PTPRT: variants seen among roughly 807,000 people sequenced by gnomAD.
PTPRT encodes the protein receptor-type tyrosine-protein phosphatase T.
Under a neutral mutation model 176.8 loss-of-function variants are expected in PTPRT, and 56 were observed. The observed-to-expected ratio is 0.32, with a 90% CI of 0.26 to 0.40. The LOEUF (loss-of-function observed/expected upper bound fraction) is 0.40. Ranked by LOEUF, PTPRT falls within the 10% of genes least tolerant of loss-of-function variation. PTPRT has a pLI of 1.00. For synonymous variants in PTPRT, 783 were observed against 739.0 expected (o/e 1.06, Z -0.96); for missense variants, 1,540 against 1,908.2 (o/e 0.81, Z 3.60).
At chr20:42,193,122 A>G (rs1226352827) in intron 16 of PTPRT, among the ~76,000 whole-genome samples, 2 of 152,208 alleles carry the variant, frequency 1.3e-5, no homozygotes, top group Non-Finnish European at 2.9e-5. Flanking sequence ...CCCATTATCT[A>G]TTTGTCATAT....
At position 42,670,268 on chromosome 20, in the gene PTPRT, C is replaced by T. The variant is rs1394281107; in HGVS notation, c.1153+7598G>A. Among the ~76,000 whole-genome samples, 3 of 152,170 alleles carry T rather than the reference C, an allele frequency of 2.0e-5. No homozygotes were observed. In the East Asian group the frequency reaches 5.8e-4, roughly 29 times the overall value. On this transcript the variant is annotated intron_variant, in intron 7 of 30. Coordinates refer to ENST00000373187, the MANE Select transcript of PTPRT (RefSeq NM_007050.6). Reference sequence around the variant, plus strand: ...TCCCGGTTCTCTGCAAGGCATATAACTTATCTCACTGAAGCTTTCCAACAA... The same window carrying T: ...TCCCGGTTCTCTGCAAGGCATATAATTTATCTCACTGAAGCTTTCCAACAA...
chr20:42,948,643 G>A (rs778822205), intron 1 of PTPRT, among the ~76,000 whole-genome samples: 12 of 152,272 alleles, frequency 7.9e-5, no homozygotes, highest in Middle Eastern at 3.4e-3. Context: ...GAAGAGATAA[G>A]ACAGAGAGAG....
At chr20:42,452,415 A>G (rs531357224) in intron 8 of PTPRT, among the ~76,000 whole-genome samples, 228 of 152,214 alleles carry the variant, frequency 1.5e-3, no homozygotes, top group African/African-American at 5.2e-3. Flanking sequence ...AGAGGATGGA[A>G]ATGTGCTAAT....
At chr20:42,162,951 C>T (rs1304248172) in intron 16 of PTPRT, among the ~76,000 whole-genome samples, 1 of 152,188 alleles carries the variant, frequency 6.6e-6, no homozygotes, top group African/African-American at 2.4e-5. Context: ...TTCTAGGTGA[C>T]CAACTTGTCC....
the PTPRT span, among the ~76,000 whole-genome samples, chr20:42,058,322 G>C: frequency 6.6e-6 from 1 of 152,104 alleles, no homozygotes; most frequent in Non-Finnish European, 1.5e-5. Flanking sequence ...CTATTCACTG[G>C]GTCCCTGGAG....
intron 18 of PTPRT, among the ~76,000 whole-genome samples, chr20:42,137,589 G>A (rs1351949865): frequency 6.6e-6 from 1 of 152,162 alleles, no homozygotes; most frequent in South Asian, 2.1e-4. Context: ...GACTTGCTGT[G>A]TGCTCTCGGG....
At chr20:42,038,736 T>C in the PTPRT span, among the ~76,000 whole-genome samples, 1 of 152,158 alleles carries the variant, frequency 6.6e-6, no homozygotes, top group Non-Finnish European at 1.5e-5. Context: ...AGCCAGCAGT[T>C]AGTAGGCTCA....
intron 11 of PTPRT, among the ~76,000 whole-genome samples, chr20:42,347,449 T>A (rs1471342699): frequency 1.3e-5 from 2 of 152,156 alleles, no homozygotes; most frequent in East Asian, 1.9e-4. Flanking sequence ...ACAGTCAATG[T>A]ACCTAGTGGT....
At chr20:42,488,774 G>A (rs2071507091) in intron 7 of PTPRT, among the ~76,000 whole-genome samples, 1 of 152,030 alleles carries the variant, frequency 6.6e-6, no homozygotes. Context: ...AGACCAGCCT[G>A]ACCAACTGAG....
the PTPRT span, among the ~76,000 whole-genome samples, chr20:42,054,942 G>A: frequency 6.6e-6 from 1 of 152,180 alleles, no homozygotes; most frequent in South Asian, 2.1e-4. Context: ...AGGCCACTTA[G>A]AGATATACAC....
At chr20:42,752,149 A>T (rs973337763) in intron 6 of PTPRT, among the ~76,000 whole-genome samples, 1 of 152,180 alleles carries the variant, frequency 6.6e-6, no homozygotes, top group Non-Finnish European at 1.5e-5. Flanking sequence ...GACAGTCATC[A>T]AATCGGCACC....
chr20:42,918,958 C>T (rs1978969853), intron 1 of PTPRT, among the ~76,000 whole-genome samples: 1 of 152,202 alleles, frequency 6.6e-6, no homozygotes, highest in African/African-American at 2.4e-5. Flanking sequence ...TGCCGCACCA[C>T]CTATGCAACT....
intron 1 of PTPRT, among the ~76,000 whole-genome samples, chr20:43,087,721 G>A (rs1011134893): frequency 3.3e-5 from 5 of 152,046 alleles, no homozygotes; most frequent in African/African-American, 1.2e-4. Flanking sequence ...TATATTAAAG[G>A]AGGGACGAAT....
intron 9 of PTPRT, among the ~76,000 whole-genome samples, chr20:42,391,127 A>G (rs1332558958): frequency 6.6e-6 from 1 of 152,182 alleles, no homozygotes; most frequent in Non-Finnish European, 1.5e-5. Context: ...TAGAGGAAAG[A>G]GGGAGGAGCG....
At chr20:42,122,717 C>T (rs1987650733) in intron 19 of PTPRT, among the ~76,000 whole-genome samples, 1 of 152,230 alleles carries the variant, frequency 6.6e-6, no homozygotes, top group Non-Finnish European at 1.5e-5. Flanking sequence ...CTTCCTAACC[C>T]CATGAGCTTC....
intron 9 of PTPRT, among the ~76,000 whole-genome samples, chr20:42,390,313 T>A (rs2058788979): frequency 6.6e-6 from 1 of 152,106 alleles, no homozygotes; most frequent in Non-Finnish European, 1.5e-5. Flanking sequence ...GTTGAAAAAA[T>A]TGATGAAAAA....
intron 8 of PTPRT, among the ~76,000 whole-genome samples, chr20:42,463,304 C>T (rs2071051713): frequency 6.6e-6 from 1 of 152,050 alleles, no homozygotes; most frequent in Admixed American, 6.6e-5. Context: ...TCCACATTTT[C>T]CCTTTCCACA....
intron 13 of PTPRT, among the ~76,000 whole-genome samples, chr20:42,255,124 T>C (rs540864071): frequency 5.9e-5 from 9 of 152,172 alleles, no homozygotes; most frequent in Non-Finnish European, 1.0e-4. Flanking sequence ...AGACTTCTTA[T>C]GCCCCTTTTG....
At chr20:42,745,108 C>T (rs1187375516) in intron 6 of PTPRT, among the ~76,000 whole-genome samples, 1 of 152,134 alleles carries the variant, frequency 6.6e-6, no homozygotes, top group Non-Finnish European at 1.5e-5. Flanking sequence ...GGGGAAATGG[C>T]AGAGGGAAGG....
Sources: gnomAD v4.1 joint callset for allele counts (sites outside exome capture counted in the v4.1 genomes callset) on GRCh38, gnomAD v4.1.1 for gene constraint, MANE v1.5 for transcripts, NCBI Gene and HGNC (gene_info 2026-07-23, HGNC 2026-07-21) for gene names.